Variants in ERI3 observed in about 807,000 individuals in gnomAD.
The protein encoded by ERI3 is ERI1 exoribonuclease family member 3.
In ERI3, 18 loss-of-function variants were observed where a neutral mutation model predicts 44.4. The observed-to-expected ratio is 0.41, with a 90% CI of 0.28 to 0.60. ERI3 has a LOEUF of 0.60. Ranked by LOEUF, ERI3 falls within the 20% of genes least tolerant of loss-of-function variation. The probability of loss-of-function intolerance (pLI) is 0.36; values close to 1 mark genes in which losing one functional copy is unlikely to be tolerated. For synonymous variants in ERI3, 183 were observed against 164.8 expected, an observed-to-expected ratio of 1.11 and a Z score of -0.84; for missense variants, 294 against 435.5, an observed-to-expected ratio of 0.68 and a Z score of 2.89.
At chr1:44,255,606 T>A (rs1431384888) in intron 7 of ERI3, among the ~76,000 whole-genome samples, 1 of 152,158 alleles carries the variant, frequency 6.6e-6, no homozygotes, top group Non-Finnish European at 1.5e-5. Flanking sequence ...GTGTCAGACA[T>A]ATATATTCTA....
intron 8 of ERI3, among the ~76,000 whole-genome samples, chr1:44,244,562 TGAAA>T (rs1557779840): frequency 6.6e-6 from 1 of 152,134 alleles, no homozygotes. Flanking sequence ...GTGTACTGAA[TGAAA>T]GAAAGTTTTA....
At position 44,355,045 on chromosome 1, in the gene ERI3, G is replaced by C; in HGVS notation, c.-19C>G. The C allele has an allele frequency of 7.3e-7, 1 of 1,368,112 alleles. No homozygotes were observed. The allele number at this position is 1,368,112 out of a possible 1,614,324, so 84.7% of individuals were successfully genotyped here. A position where few individuals can be genotyped will look rare whatever the true frequency, so the allele number is the denominator to read the frequency against. On this transcript the variant is annotated 5_prime_UTR_variant, in exon 1 of 9. Transcript: ENST00000372257. ...TCGCCATGGCAACGCCCCCTCCTCG[G>C]GGCCAGCGCGGCAGGCTCCCTCCAG...
At chr1:44,342,162 C>T (rs1646667309) in intron 2 of ERI3, among the ~76,000 whole-genome samples, 1 of 152,070 alleles carries the variant, frequency 6.6e-6, no homozygotes, top group Non-Finnish European at 1.5e-5. Context: ...GTCTGGGGGA[C>T]ACTGTCAGAG....
intron 7 of ERI3, among the ~76,000 whole-genome samples, chr1:44,255,311 T>C (rs114349170): frequency 5.6e-4 from 85 of 152,266 alleles, no homozygotes; most frequent in African/African-American, 1.9e-3. Flanking sequence ...CAGTTTCAGA[T>C]TCTTACCTGC....
At chr1:44,328,205 T>C (rs1273235660) in intron 3 of ERI3, among the ~76,000 whole-genome samples, 4 of 150,818 alleles carry the variant, frequency 2.7e-5, no homozygotes, top group Admixed American at 6.6e-5. Flanking sequence ...AAGCAAGCAA[T>C]ACACAAACGG....
intron 4 of ERI3, among the ~76,000 whole-genome samples, chr1:44,315,911 G>T (rs1316887095): frequency 1.3e-5 from 2 of 152,146 alleles, no homozygotes; most frequent in African/African-American, 4.8e-5. Context: ...CAGCCCTTTG[G>T]GAGGCTAAGG....
At chr1:44,251,274 G>T (rs763057381) in intron 7 of ERI3, among the ~76,000 whole-genome samples, 1 of 152,262 alleles carries the variant, frequency 6.6e-6, no homozygotes, top group African/African-American at 2.4e-5. Context: ...GCAGGCCATG[G>T]AGTGGCCCAA....
intron 8 of ERI3, among the ~76,000 whole-genome samples, chr1:44,231,704 C>G (rs1350881573): frequency 5.9e-5 from 9 of 152,152 alleles, no homozygotes; most frequent in African/African-American, 2.2e-4. Context: ...CTGGCAGAGC[C>G]CACTACCCCT....
chr1:44,312,879 C>T (rs1301209194), intron 5 of ERI3, among the ~76,000 whole-genome samples: 2 of 152,266 alleles, frequency 1.3e-5, no homozygotes, highest in South Asian at 2.1e-4. Context: ...CCAGCATAGG[C>T]TACCCCAGAG....
intron 8 of ERI3, among the ~76,000 whole-genome samples, chr1:44,246,569 G>T (rs1644558733): frequency 6.6e-6 from 1 of 152,200 alleles, no homozygotes; most frequent in Non-Finnish European, 1.5e-5. Flanking sequence ...GAATATGGGG[G>T]CATCCCTCCT....
intron 6 of ERI3, among the ~76,000 whole-genome samples, chr1:44,285,534 A>G (rs325165): frequency 0.36 from 54,018 of 152,094 alleles, 10,862 homozygotes; most frequent in African/African-American, 0.55. Context: ...GAAGGATAAG[A>G]AGAGGTCAGA....
intron 2 of ERI3, among the ~76,000 whole-genome samples, chr1:44,341,135 T>C (rs1572332468): frequency 6.6e-6 from 1 of 152,230 alleles, no homozygotes; most frequent in South Asian, 2.1e-4. Flanking sequence ...CCAAATACTA[T>C]AAGCAATTAA....
intron 7 of ERI3, among the ~76,000 whole-genome samples, chr1:44,266,426 G>A (rs1644992193): frequency 6.6e-6 from 1 of 152,210 alleles, no homozygotes; most frequent in Admixed American, 6.5e-5. Flanking sequence ...TTGTTCAGTA[G>A]ACACTAAGAT....
rs116124079 is a variant in ERI3, at chr1:44,268,988, G to C, written c.831+15847C>G. Among the ~76,000 whole-genome samples, 1,136 of 152,288 alleles carry C rather than the reference G, an allele frequency of 7.5e-3. 9 individuals carry two copies. The highest frequency in any genetic ancestry group is 0.025 in the African/African-American group (1,053 of 41,548). On this transcript the variant is annotated intron_variant, in intron 7 of 8. Transcript: ENST00000372257. Reference sequence around the variant, plus strand: ...CTATCCAAACTCCTCCACAATACCTGAGTCCCTAGCTCTCCTGTCCTGATG... The same window carrying C: ...CTATCCAAACTCCTCCACAATACCTCAGTCCCTAGCTCTCCTGTCCTGATG...
chr1:44,355,135 G>C lies in ERI3; in HGVS notation c.-109C>G. ...CAGGGCAGTTGGCGGCGGCGGGCGC[G>C]GCCCGCGCCGACTGCGGCGCCGGCC... is the stretch of plus-strand genomic sequence containing the variant. On this transcript the variant is annotated 5_prime_UTR_variant, in exon 1 of 9. Coordinates refer to ENST00000372257, the MANE Select transcript of ERI3 (RefSeq NM_024066.3). The C allele has an allele frequency of 1.6e-5, 20 of 1,227,482 alleles. No individual in the cohort carries two copies. Among genetic ancestry groups the C allele is most frequent in the Middle Eastern group, 3.2e-4 (1 of 3,150 alleles). The allele number at this position is 1,227,482 out of a possible 1,614,324, so 76.0% of individuals were successfully genotyped here. A position where few individuals can be genotyped will look rare whatever the true frequency, so the allele number is the denominator to read the frequency against.
intron 3 of ERI3, among the ~76,000 whole-genome samples, chr1:44,327,550 A>T (rs920617941): frequency 6.6e-6 from 1 of 152,270 alleles, no homozygotes; most frequent in Admixed American, 6.5e-5. Flanking sequence ...CCAATAAGGC[A>T]ACTGAGGCAT....
chr1:44,317,949 G>A (rs759797219), intron 4 of ERI3, among the ~76,000 whole-genome samples: 9 of 152,232 alleles, frequency 5.9e-5, no homozygotes, highest in South Asian at 2.1e-4. Flanking sequence ...TGGCAGACCC[G>A]GTGCCTACAG....
intron 6 of ERI3, among the ~76,000 whole-genome samples, chr1:44,297,345 T>C (rs916147804): frequency 6.6e-6 from 1 of 151,972 alleles, no homozygotes. Flanking sequence ...AGGTGAAGCC[T>C]TGAGTTCCCC....
In ERI3 at chr1:44,277,308, C is replaced by G. The variant is rs114006164; in HGVS notation, c.831+7527G>C. ...CTCCTCTCACCTCCTCAGAGGCCTC[C>G]CTTACTGGCTTCTTCTCCCTCCTGC... is the stretch of plus-strand genomic sequence containing the variant. On this transcript the variant is annotated intron_variant, in intron 7 of 8. Coordinates refer to ENST00000372257, the MANE Select transcript of ERI3 (RefSeq NM_024066.3). Among the ~76,000 whole-genome samples, 378 of 152,246 alleles carry G rather than the reference C, an allele frequency of 2.5e-3. 6 individuals are homozygous for G. Among genetic ancestry groups the G allele is most frequent in the African/African-American group, 8.6e-3 (356 of 41,540 alleles).
Sources: gnomAD v4.1 joint callset for allele counts (sites outside exome capture counted in the v4.1 genomes callset) on GRCh38, gnomAD v4.1.1 for gene constraint, MANE v1.5 for transcripts, NCBI Gene and HGNC (gene_info 2026-07-23, HGNC 2026-07-21) for gene names.